The following CADM2 variants were observed in gnomAD, a reference collection of about 807,000 sequenced individuals.
CADM2 encodes the protein immunoglobulin superfamily member 4D.
Under a neutral mutation model 49.8 loss-of-function variants are expected in CADM2, and 12 were observed. The observed-to-expected ratio is 0.24, with a 90% confidence interval of 0.15 to 0.39. CADM2 has a LOEUF of 0.39. Among genes scored for constraint, CADM2 ranks in the 10% least tolerant of loss-of-function variants. The probability of loss-of-function intolerance (pLI) is 1.00; values close to 1 mark genes in which losing one functional copy is unlikely to be tolerated. For synonymous variants in CADM2, 214 were observed against 175.4 expected, an observed-to-expected ratio of 1.22 and a Z score of -1.74; for missense variants, 378 against 492.3, an observed-to-expected ratio of 0.77 and a Z score of 2.20.
intron 3 of CADM2, among the ~76,000 whole-genome samples, chr3:85,841,602 A>G (rs1395523477): frequency 6.6e-6 from 1 of 151,966 alleles, no homozygotes; most frequent in Non-Finnish European, 1.5e-5. Flanking sequence ...CTTGGGTTTT[A>G]ATTCTACCCA....
intron 1 of CADM2, among the ~76,000 whole-genome samples, chr3:85,006,557 C>T (rs1344852040): frequency 6.6e-6 from 1 of 152,138 alleles, no homozygotes; most frequent in Admixed American, 6.6e-5. Context: ...ACCTAGGTCT[C>T]TGGCTGGAAC....
chr3:85,552,964 T>C (rs1249321939), intron 1 of CADM2, among the ~76,000 whole-genome samples: 1 of 152,120 alleles, frequency 6.6e-6, no homozygotes, highest in Non-Finnish European at 1.5e-5. Flanking sequence ...GGTGTGAGCC[T>C]CCAGTCCTGG....
Position 85,523,081 on chromosome 3 carries a change from AT to A in CADM2, c.62-203439del, listed in dbSNP as rs1442784126. ...CACACATTTGCTAGATTAAATTTAC[AT>A]TAGTGTGTATATATTGCCTACAAGC... is the stretch of plus-strand genomic sequence containing the variant. On this transcript the variant is annotated intron_variant, in intron 1 of 9. Coordinates refer to ENST00000383699, the MANE Select transcript of CADM2 (RefSeq NM_001167675.2). Among the ~76,000 whole-genome samples, 10 of 152,218 alleles carry A rather than the reference AT, an allele frequency of 6.6e-5. No individual in the cohort carries two copies. In the East Asian group the frequency reaches 1.5e-3, roughly 23 times the overall value.
intron 1 of CADM2, among the ~76,000 whole-genome samples, chr3:85,599,233 A>G (rs952451882): frequency 6.6e-6 from 1 of 152,080 alleles, no homozygotes; most frequent in Non-Finnish European, 1.5e-5. Context: ...ACTACTTAAT[A>G]TAAAAGTTAC....
chr3:85,030,884 G>C (rs1186276140), intron 1 of CADM2, among the ~76,000 whole-genome samples: 2 of 152,164 alleles, frequency 1.3e-5, no homozygotes. Flanking sequence ...GGTTGCAGCA[G>C]AAAACAGATG....
intron 1 of CADM2, among the ~76,000 whole-genome samples, chr3:85,609,008 G>A (rs764878083): frequency 5.3e-5 from 8 of 151,878 alleles, no homozygotes; most frequent in African/African-American, 1.7e-4. Flanking sequence ...CAATTTTTTT[G>A]TTCTACTTGA....
intron 1 of CADM2, among the ~76,000 whole-genome samples, chr3:85,355,471 A>G (rs934970772): frequency 2.6e-4 from 39 of 152,086 alleles, no homozygotes; most frequent in African/African-American, 9.2e-4. Flanking sequence ...GTTTGCTGTG[A>G]AATAAATTGG....
intron 1 of CADM2, among the ~76,000 whole-genome samples, chr3:85,263,600 A>G (rs775752815): frequency 8.5e-5 from 13 of 152,172 alleles, no homozygotes; most frequent in Non-Finnish European, 1.6e-4. Context: ...CTCCAGTGCC[A>G]GTGCTCTTCC....
At chr3:86,043,642 A>G (rs1012359791) in intron 8 of CADM2, among the ~76,000 whole-genome samples, 36 of 152,198 alleles carry the variant, frequency 2.4e-4, no homozygotes, top group African/African-American at 8.7e-4. Flanking sequence ...TGTCCAAGGT[A>G]ATTTGTAGAT....
intron 1 of CADM2, among the ~76,000 whole-genome samples, chr3:85,457,785 A>C (rs1334552399): frequency 6.6e-6 from 1 of 152,144 alleles, no homozygotes; most frequent in Non-Finnish European, 1.5e-5. Flanking sequence ...TGACTTCTAA[A>C]TTTGTTTTTA....
At chr3:85,165,443 T>A (rs1212647976) in intron 1 of CADM2, among the ~76,000 whole-genome samples, 1 of 151,984 alleles carries the variant, frequency 6.6e-6, no homozygotes, top group Non-Finnish European at 1.5e-5. Flanking sequence ...CTCCTAATGT[T>A]ATTCCACTTT....
chr3:85,971,585 C>G lies in CADM2; in HGVS notation c.970+9938C>G, dbSNP rs527932461. Among the ~76,000 whole-genome samples the G allele has an allele frequency of 3.3e-5, 5 of 151,718 alleles. No homozygotes were observed. In the South Asian group the frequency reaches 8.3e-4, roughly 25 times the overall value. ...TGACAGTAATATTCTCTTACATTTT[C>G]ACAGAACTTAAAGTATTGGACCAAA... On this transcript the variant is annotated intron_variant, in intron 8 of 9. Transcript: ENST00000383699.
chr3:85,746,472 A>G (rs994708564), intron 2 of CADM2, among the ~76,000 whole-genome samples: 1 of 152,142 alleles, frequency 6.6e-6, no homozygotes, highest in Non-Finnish European at 1.5e-5. Context: ...GTACCATATA[A>G]CTGCATTTTT....
At chr3:85,453,758 G>T (rs1361858350) in intron 1 of CADM2, among the ~76,000 whole-genome samples, 1 of 152,076 alleles carries the variant, frequency 6.6e-6, no homozygotes, top group African/African-American at 2.4e-5. Flanking sequence ...GAAATAATTA[G>T]ATTTAAACTA....
intron 1 of CADM2, among the ~76,000 whole-genome samples, chr3:84,964,687 C>T (rs1559592672): frequency 6.6e-6 from 1 of 152,120 alleles, no homozygotes; most frequent in Admixed American, 6.5e-5. Context: ...TAAAATAGTT[C>T]TAGTGCCCAA....
At chr3:85,329,067 A>T (rs2044835531) in intron 1 of CADM2, among the ~76,000 whole-genome samples, 1 of 152,116 alleles carries the variant, frequency 6.6e-6, no homozygotes, top group Non-Finnish European at 1.5e-5. Flanking sequence ...TACAATTTGG[A>T]CACAGAAAAA....
At chr3:85,903,163 GATAA>G (rs1716341586) in intron 5 of CADM2, among the ~76,000 whole-genome samples, 1 of 151,882 alleles carries the variant, frequency 6.6e-6, no homozygotes, top group African/African-American at 2.4e-5. Flanking sequence ...GTAATACAAT[GATAA>G]ATAATTGTTT....
intron 1 of CADM2, among the ~76,000 whole-genome samples, chr3:85,163,214 T>C (rs546594986): frequency 6.6e-6 from 1 of 152,232 alleles, no homozygotes; most frequent in Non-Finnish European, 1.5e-5. Context: ...AAACCTCTAG[T>C]CCATGTAGAC....
rs148564603 is a variant in CADM2, at chr3:84,981,386, C to G, written c.61+21718C>G. 4.7e-3 allele frequency among the ~76,000 whole-genome samples: 715 copies of G among 151,804 alleles called. 4 individuals carry two copies. Among genetic ancestry groups the G allele is most frequent in the Middle Eastern group, 0.017 (5 of 294 alleles). Reference sequence around the variant, plus strand: ...GTCTAAGTTTGTTTGGTCTAGGGTGCCAGAGAAAGGAGGGGCACAGAAGAC... The same window carrying G: ...GTCTAAGTTTGTTTGGTCTAGGGTGGCAGAGAAAGGAGGGGCACAGAAGAC... On this transcript the variant is annotated intron_variant, in intron 1 of 9. Coordinates refer to ENST00000383699, the MANE Select transcript of CADM2 (RefSeq NM_001167675.2).
Sources: allele counts gnomAD v4.1 joint callset (sites outside exome capture counted in the v4.1 genomes callset), GRCh38; gene constraint gnomAD v4.1.1; transcripts MANE v1.5; gene names NCBI Gene and HGNC (gene_info 2026-07-23, HGNC 2026-07-21).